Variants in LSM14A observed in about 807,000 individuals in gnomAD.
LSM14A encodes LSM14A mRNA processing body assembly factor, also known as protein LSM14 homolog A.
Under a neutral mutation model 52.4 loss-of-function variants are expected in LSM14A, and 14 were observed. The observed-to-expected ratio is 0.27, with a 90% CI of 0.18 to 0.42. LSM14A has a LOEUF of 0.42. Ranked by LOEUF, LSM14A falls within the 10% of genes least tolerant of loss-of-function variation. The pLI is 1.00. For missense variants in LSM14A, 417 were observed against 581.8 expected, an observed-to-expected ratio of 0.72 and a Z score of 2.91; for synonymous variants, 185 against 200.3, an observed-to-expected ratio of 0.92 and a Z score of 0.64.
chr19:34,205,923 A>G (rs1435439998), intron 3 of LSM14A, among the ~76,000 whole-genome samples: 1 of 152,176 alleles, frequency 6.6e-6, no homozygotes, highest in Admixed American at 6.5e-5. Context: ...AGAACAACCA[A>G]GCAAGTTGCC....
intron 1 of LSM14A, among the ~76,000 whole-genome samples, chr19:34,184,822 G>T (rs1387756858): frequency 1.3e-5 from 2 of 152,124 alleles, no homozygotes; most frequent in Non-Finnish European, 2.9e-5. Context: ...AAAACTGAGG[G>T]GGCTTTTTTG....
chr19:34,198,237 A>C (rs1327679060), intron 3 of LSM14A, among the ~76,000 whole-genome samples: 2 of 152,220 alleles, frequency 1.3e-5, no homozygotes, highest in Non-Finnish European at 2.9e-5. Context: ...CTTCCTGTGA[A>C]TATACTTTTT....
intron 3 of LSM14A, among the ~76,000 whole-genome samples, chr19:34,198,107 C>G (rs143703107): frequency 6.6e-6 from 1 of 150,736 alleles, no homozygotes; most frequent in Non-Finnish European, 1.5e-5. Flanking sequence ...TGCCCCTAAT[C>G]TTTTAAAATT....
intron 8 of LSM14A, among the ~76,000 whole-genome samples, chr19:34,220,734 A>G (rs2073004589): frequency 6.6e-6 from 1 of 152,210 alleles, no homozygotes; most frequent in African/African-American, 2.4e-5. Context: ...GCTGGATGAC[A>G]GCAGCAATAA....
intron 1 of LSM14A, among the ~76,000 whole-genome samples, chr19:34,188,902 T>A (rs1295743822): frequency 6.6e-6 from 1 of 151,922 alleles, no homozygotes; most frequent in Non-Finnish European, 1.5e-5. Context: ...TTGGGTTGTT[T>A]CTACCATTTG....
chr19:34,209,086 A>G, intron 4 of LSM14A, 35 bp downstream of exon 4: 1 of 1,515,182 alleles, frequency 6.6e-7, no homozygotes, highest in South Asian at 1.3e-5. Flanking sequence ...TTTCCATTCT[A>G]AACTTTTATA....
chr19:34,201,636 C>T (rs1156504694), intron 3 of LSM14A, among the ~76,000 whole-genome samples: 1 of 152,112 alleles, frequency 6.6e-6, no homozygotes, highest in Non-Finnish European at 1.5e-5. Flanking sequence ...CCACCATGCC[C>T]AGCCAAATTT....
intron 3 of LSM14A, among the ~76,000 whole-genome samples, chr19:34,199,290 A>T (rs1287139112): frequency 6.6e-6 from 1 of 151,890 alleles, no homozygotes; most frequent in Non-Finnish European, 1.5e-5. Flanking sequence ...ACTCCCGGCT[A>T]GATTTTTCTT....
intron 2 of LSM14A, among the ~76,000 whole-genome samples, chr19:34,196,306 A>G (rs746879433): frequency 4.6e-5 from 7 of 152,050 alleles, no homozygotes; most frequent in Non-Finnish European, 8.8e-5. Flanking sequence ...ACTAAGTGTG[A>G]TTTTTCTCAT....
rs1406559961 is a variant in LSM14A, at chr19:34,183,398, A to G, written c.121+10635A>G. Among the ~76,000 whole-genome samples, 4 of 152,118 alleles carry G rather than the reference A, an allele frequency of 2.6e-5. No homozygotes were observed. The East Asian group carries it at 7.7e-4, about 29-fold the overall frequency. On this transcript the variant is annotated intron_variant, in intron 1 of 9. Transcript: ENST00000544216. ...AAACCCCGTCTCTACTAAAAATACA[A>G]AAATTAGCCAGTCGTGGTGTTGTGC... is the stretch of plus-strand genomic sequence containing the variant.
intron 3 of LSM14A, among the ~76,000 whole-genome samples, chr19:34,203,310 A>C (rs551406180): frequency 4.0e-4 from 59 of 147,218 alleles, no homozygotes; most frequent in African/African-American, 1.4e-3. Flanking sequence ...TTGGCTGAAT[A>C]GACCATCAGT....
intron 1 of LSM14A, among the ~76,000 whole-genome samples, chr19:34,177,204 A>G (rs2069145568): frequency 6.6e-6 from 1 of 152,190 alleles, no homozygotes; most frequent in Non-Finnish European, 1.5e-5. Flanking sequence ...CTTTAAATTA[A>G]CAGAAGTTCT....
chr19:34,211,975 A>G (rs548095540), intron 4 of LSM14A, among the ~76,000 whole-genome samples: 1 of 152,288 alleles, frequency 6.6e-6, no homozygotes, highest in East Asian at 1.9e-4. Context: ...TACTGACATG[A>G]TAATAAAATG....
At chr19:34,177,662 G>T (rs577093766) in intron 1 of LSM14A, among the ~76,000 whole-genome samples, 44 of 152,142 alleles carry the variant, frequency 2.9e-4, no homozygotes, top group African/African-American at 1.1e-3. Context: ...TCAAGGCCGG[G>T]GTATTGCTTG....
chr19:34,199,457 A>G (rs563828243), intron 3 of LSM14A, among the ~76,000 whole-genome samples: 2 of 152,132 alleles, frequency 1.3e-5, no homozygotes, highest in Non-Finnish European at 2.9e-5. Flanking sequence ...ACTGTTTTGT[A>G]TGTATTATAG....
intron 1 of LSM14A, among the ~76,000 whole-genome samples, chr19:34,180,072 A>G (rs936956914): frequency 6.6e-6 from 1 of 152,068 alleles, no homozygotes; most frequent in African/African-American, 2.4e-5. Flanking sequence ...GGCACACACC[A>G]CCACACCCAG....
chr19:34,217,757 G>A (rs2072761518), intron 6 of LSM14A, among the ~76,000 whole-genome samples: 1 of 149,176 alleles, frequency 6.7e-6, no homozygotes, highest in Admixed American at 6.7e-5. Context: ...ACCCTCCTGA[G>A]TAGCTGGGAC....
Position 34,219,584 on chromosome 19 carries a change from A to G in LSM14A, c.964+11A>G. 6.3e-7 allele frequency: 1 copy of G among 1,598,410 alleles called. No individual in the cohort carries two copies. The highest frequency in any genetic ancestry group is 1.3e-5 in the African/African-American group (1 of 74,210). ...AACTTAAATTAAAAGGTAAGCTTTG[A>G]TTTTTCTTTTCAGAAAATAATCTTA... On this transcript the variant is annotated intron_variant, in intron 7 of 9. Coordinates refer to ENST00000544216, the MANE Select transcript of LSM14A (RefSeq NM_015578.4).
Position 34,223,093 on chromosome 19 carries a change from T to C in LSM14A, c.1368+1355T>C, listed in dbSNP as rs2073153839. On this transcript the variant is annotated intron_variant, in intron 9 of 9. Coordinates refer to ENST00000544216, the MANE Select transcript of LSM14A (RefSeq NM_015578.4). ...ACTCTTCATTCTTTTTTTTGGGGGG[T>C]GGAGGGTGTCAGGGTCTTGCTGTGT... Among the ~76,000 whole-genome samples, 3 of 151,960 alleles carry C rather than the reference T, an allele frequency of 2.0e-5. No individual in the cohort carries two copies. The South Asian group carries it at 6.2e-4, about 32-fold the overall frequency.
Sources: gnomAD v4.1 joint callset for allele counts (sites outside exome capture counted in the v4.1 genomes callset) on GRCh38, gnomAD v4.1.1 for gene constraint, MANE v1.5 for transcripts, NCBI Gene and HGNC (gene_info 2026-07-23, HGNC 2026-07-21) for gene names.